Variants in RBFOX1 observed in about 807,000 individuals in gnomAD.
RBFOX1 encodes the protein RNA binding protein fox-1 homolog 1.
Under a neutral mutation model 57.7 loss-of-function variants are expected in RBFOX1, and 8 were observed. The ratio of observed to expected loss-of-function variants is 0.14; its 90% CI spans 0.08 to 0.25. The LOEUF (loss-of-function observed/expected upper bound fraction) is 0.25, where lower values mean the gene tolerates loss of function less well. Ranked by LOEUF, RBFOX1 falls within the 10% of genes least tolerant of loss-of-function variation. RBFOX1 has a pLI of 1.00. For synonymous variants in RBFOX1, 326 were observed against 222.4 expected (o/e 1.47, Z -4.15); for missense variants, 611 against 548.5 (o/e 1.11, Z -1.14).
chr16:6,003,838 C>G (rs576307911), intron 4 of RBFOX1, among the ~76,000 whole-genome samples: 1 of 152,276 alleles, frequency 6.6e-6, no homozygotes, highest in South Asian at 2.1e-4. Flanking sequence ...CAACTGAGGC[C>G]TCTTGTCAAA....
At position 5,591,096 on chromosome 16, in the gene RBFOX1, C is replaced by T. The variant is rs1275820735; in HGVS notation, c.259-7806C>T. On this transcript the variant is annotated intron_variant, in intron 2 of 2. Transcript: ENST00000585867. The stretch of plus-strand genomic sequence containing the variant: ...TTGCCAATGTTGTCATGTGTTTTTC[C>T]CTTAAATTATTTTCTTTTAAAAATC... 5.9e-5 allele frequency among the ~76,000 whole-genome samples: 9 copies of T among 151,726 alleles called. No homozygotes were observed. In the East Asian group the frequency reaches 9.6e-4, roughly 16 times the overall value.
At chr16:5,619,233 G>T (rs958022098) in intron 3 of RBFOX1, among the ~76,000 whole-genome samples, 1 of 152,172 alleles carries the variant, frequency 6.6e-6, no homozygotes, top group Non-Finnish European at 1.5e-5. Context: ...TAAGGAGTGT[G>T]TAGGGTGCTG....
intron 4 of RBFOX1, among the ~76,000 whole-genome samples, chr16:5,972,371 A>G (rs762409787): frequency 2.6e-5 from 4 of 152,202 alleles, no homozygotes; most frequent in Admixed American, 2.0e-4. Context: ...CTGACCATCA[A>G]TAGTGCATGA....
At chr16:5,248,262 A>G (rs1043092771) in intron 1 of RBFOX1, among the ~76,000 whole-genome samples, 1 of 152,244 alleles carries the variant, frequency 6.6e-6, no homozygotes, top group Non-Finnish European at 1.5e-5. Context: ...ATGCATATTT[A>G]AGTGTTTGCC....
At chr16:7,381,807 A>T (rs1450280539) in intron 4 of RBFOX1, among the ~76,000 whole-genome samples, 2 of 152,144 alleles carry the variant, frequency 1.3e-5, no homozygotes, top group African/African-American at 4.8e-5. Context: ...GGCAGTGTGG[A>T]CGCTGGGCTG....
At chr16:6,415,242 C>CAAAAA (rs57296761) in intron 2 of RBFOX1, among the ~76,000 whole-genome samples, 2 of 102,096 alleles carry the variant, frequency 2.0e-5, no homozygotes, top group African/African-American at 4.1e-5. Flanking sequence ...AACTCTGTCA[C>CAAAAA]AAAAAAAAAA....
At chr16:6,231,446 G>A (rs895197469) in intron 1 of RBFOX1, among the ~76,000 whole-genome samples, 2 of 152,146 alleles carry the variant, frequency 1.3e-5, no homozygotes, top group Non-Finnish European at 2.9e-5. Flanking sequence ...GCTATATAAA[G>A]ATAAGGATAG....
intron 4 of RBFOX1, chr16:7,328,833 C>A (rs933088946): frequency 6.6e-6 from 1 of 152,112 alleles, no homozygotes; most frequent in Admixed American, 6.6e-5. Context: ...TGAAGTCTGA[C>A]TTCTTGGATA....
At chr16:5,943,463 T>C (rs2152268004) in intron 4 of RBFOX1, among the ~76,000 whole-genome samples, 1 of 152,276 alleles carries the variant, frequency 6.6e-6, no homozygotes, top group East Asian at 1.9e-4. Context: ...AAGAAAAATA[T>C]GAGGAATTCT....
intron 11 of RBFOX1, among the ~76,000 whole-genome samples, chr16:7,644,681 C>G: frequency 6.6e-6 from 1 of 152,178 alleles, no homozygotes; most frequent in East Asian, 1.9e-4. Flanking sequence ...GTTGGAGACA[C>G]AGTAGGGACC....
At chr16:6,925,268 G>T (rs1362154690) in intron 3 of RBFOX1, among the ~76,000 whole-genome samples, 1 of 150,528 alleles carries the variant, frequency 6.6e-6, no homozygotes, top group Non-Finnish European at 1.5e-5. Context: ...CAAGTAGCTG[G>T]GATTACAGGT....
chr16:5,830,995 C>G (rs766017471), intron 3 of RBFOX1, among the ~76,000 whole-genome samples: 5 of 152,128 alleles, frequency 3.3e-5, no homozygotes, highest in Non-Finnish European at 7.4e-5. Flanking sequence ...TTTTGCGTAG[C>G]CCTTGTTGTC....
intron 2 of RBFOX1, among the ~76,000 whole-genome samples, chr16:6,544,948 G>A (rs942716144): frequency 1.3e-5 from 2 of 152,146 alleles, no homozygotes; most frequent in Admixed American, 1.3e-4. Context: ...TCTTACAGAG[G>A]ATTAGGCAAA....
chr16:6,611,023 A>G (rs1414532364), intron 2 of RBFOX1, among the ~76,000 whole-genome samples: 1 of 152,210 alleles, frequency 6.6e-6, no homozygotes, highest in Non-Finnish European at 1.5e-5. Flanking sequence ...CCAAATTAGA[A>G]GAAAGTGTAT....
At chr16:7,205,720 T>C (rs557613989) in intron 4 of RBFOX1, among the ~76,000 whole-genome samples, 1 of 152,288 alleles carries the variant, frequency 6.6e-6, no homozygotes, top group East Asian at 1.9e-4. Context: ...TCTTTGGTGA[T>C]GGGCAGAAAG....
chr16:7,041,562 T>C (rs1275536594), intron 3 of RBFOX1, among the ~76,000 whole-genome samples: 11 of 152,162 alleles, frequency 7.2e-5, no homozygotes, highest in Non-Finnish European at 1.0e-4. Context: ...ATACTAACCA[T>C]TGAATTAAAG....
intron 1 of RBFOX1, among the ~76,000 whole-genome samples, chr16:5,396,361 C>T (rs191494028): frequency 5.0e-4 from 76 of 152,060 alleles, no homozygotes; most frequent in Non-Finnish European, 7.9e-4. Flanking sequence ...GAAGGAGGGG[C>T]GAGGCATGGG....
At chr16:7,465,372 G>A (rs4786170) in intron 4 of RBFOX1, among the ~76,000 whole-genome samples, 144,251 of 152,336 alleles carry the variant, frequency 0.95, 68,350 homozygotes, top group East Asian at 1. Flanking sequence ...GGAGACCTTG[G>A]CTGCTTCATT....
chr16:6,287,826 A>G (rs2077052740), intron 1 of RBFOX1, among the ~76,000 whole-genome samples: 1 of 152,166 alleles, frequency 6.6e-6, no homozygotes, highest in South Asian at 2.1e-4. Flanking sequence ...TTATTATGCT[A>G]TTGTTTCTAA....
Sources: allele counts gnomAD v4.1 joint callset (sites outside exome capture counted in the v4.1 genomes callset), GRCh38; gene constraint gnomAD v4.1.1; transcripts MANE v1.5; gene names NCBI Gene and HGNC (gene_info 2026-07-23, HGNC 2026-07-21).